The following CHSY3 variants were observed in gnomAD, a reference collection of about 807,000 sequenced individuals.
The protein encoded by CHSY3 is chondroitin sulfate synthase 3, also known as N-acetylgalactosaminyl-proteoglycan 3-beta-glucuronosyltransferase 3.
In CHSY3, 35 loss-of-function variants were observed where a neutral mutation model predicts 67.2. That is an observed-to-expected ratio of 0.52 (90% confidence interval 0.40 to 0.69). The LOEUF is 0.69. Among genes scored for constraint, CHSY3 ranks in the 30% least tolerant of loss-of-function variants. The probability of loss-of-function intolerance (pLI) is 0.00; values close to 1 mark genes in which losing one functional copy is unlikely to be tolerated. For synonymous variants in CHSY3, 474 were observed against 434.7 expected, an observed-to-expected ratio of 1.09 and a Z score of -1.12; for missense variants, 1,069 against 1,138.5, an observed-to-expected ratio of 0.94 and a Z score of 0.88.
chr5:130,040,118 G>A (rs77410652), intron 2 of CHSY3, among the ~76,000 whole-genome samples: 6 of 152,100 alleles, frequency 3.9e-5, no homozygotes, highest in Admixed American at 2.6e-4. Context: ...CTATTGCTAA[G>A]CATCCAGGTA....
chr5:130,087,419 G>C (rs1766685894), intron 2 of CHSY3, among the ~76,000 whole-genome samples: 3 of 152,246 alleles, frequency 2.0e-5, no homozygotes, highest in South Asian at 2.1e-4. Context: ...AAAAGAGGAA[G>C]TCAAATTGTC....
chr5:130,003,011 C>T (rs1405893771), intron 2 of CHSY3, among the ~76,000 whole-genome samples: 1 of 152,108 alleles, frequency 6.6e-6, no homozygotes, highest in East Asian at 1.9e-4. Flanking sequence ...GGTTGCTTTG[C>T]ACATGAATGT....
chr5:129,906,628 A>G (rs1760313360), intron 1 of CHSY3, among the ~76,000 whole-genome samples: 2 of 152,200 alleles, frequency 1.3e-5, no homozygotes, highest in Admixed American at 6.5e-5. Flanking sequence ...TCTTTAGGTC[A>G]GAGAAGTGAA....
intron 2 of CHSY3, among the ~76,000 whole-genome samples, chr5:130,071,099 T>C (rs951731731): frequency 6.6e-6 from 1 of 152,004 alleles, no homozygotes; most frequent in African/African-American, 2.4e-5. Context: ...TTTAGCAGTG[T>C]GGTATCCAAT....
At chr5:129,960,397 C>T (rs1762296946) in intron 2 of CHSY3, among the ~76,000 whole-genome samples, 1 of 152,016 alleles carries the variant, frequency 6.6e-6, no homozygotes. Context: ...GATTTTGTCA[C>T]TGGGTATACT....
chr5:129,943,765 A>T (rs892699528), intron 2 of CHSY3, among the ~76,000 whole-genome samples: 1 of 152,248 alleles, frequency 6.6e-6, no homozygotes, highest in Non-Finnish European at 1.5e-5. Flanking sequence ...TATCATCCAC[A>T]TATAGATAGT....
intron 2 of CHSY3, among the ~76,000 whole-genome samples, chr5:129,995,568 G>A (rs916643398): frequency 3.3e-5 from 5 of 150,930 alleles, no homozygotes; most frequent in African/African-American, 1.2e-4. Flanking sequence ...GAGTGCAGTG[G>A]CTGTGTACTT....
chr5:130,068,661 T>C (rs189123580), intron 2 of CHSY3, among the ~76,000 whole-genome samples: 1 of 152,228 alleles, frequency 6.6e-6, no homozygotes, highest in East Asian at 1.9e-4. Context: ...CGTATAGCAA[T>C]TCCTTATGAA....
At chr5:129,948,506 G>A (rs1036322883) in intron 2 of CHSY3, among the ~76,000 whole-genome samples, 28 of 152,150 alleles carry the variant, frequency 1.8e-4, no homozygotes, top group Admixed American at 4.6e-4. Flanking sequence ...CTGTTACTGT[G>A]AATGCCATTG....
At chr5:130,055,729 A>C (rs1159323589) in intron 2 of CHSY3, among the ~76,000 whole-genome samples, 1 of 151,954 alleles carries the variant, frequency 6.6e-6, no homozygotes, top group Non-Finnish European at 1.5e-5. Flanking sequence ...TACCACTGCC[A>C]CCGGAAGCAC....
chr5:129,905,779 CT>C, intron 1 of CHSY3, 148 bp downstream of exon 1: 1 of 1,437,566 alleles, frequency 7.0e-7, no homozygotes, highest in South Asian at 1.4e-5. Flanking sequence ...CTCCCCACCC[CT>C]TGCATCCGCC....
At chr5:129,942,423 A>G (rs1310275028) in intron 2 of CHSY3, among the ~76,000 whole-genome samples, 1 of 152,194 alleles carries the variant, frequency 6.6e-6, no homozygotes, top group Non-Finnish European at 1.5e-5. Context: ...CTTACATAAA[A>G]TTAATTTTCT....
intron 2 of CHSY3, among the ~76,000 whole-genome samples, chr5:130,139,464 A>G (rs1014670226): frequency 6.6e-6 from 1 of 152,250 alleles, no homozygotes; most frequent in Admixed American, 6.5e-5. Flanking sequence ...ATAACTTTAC[A>G]TCTTTGTCAC....
At chr5:130,156,573 T>C (rs1358192517) in intron 2 of CHSY3, among the ~76,000 whole-genome samples, 1 of 152,182 alleles carries the variant, frequency 6.6e-6, no homozygotes, top group African/African-American at 2.4e-5. Flanking sequence ...AAGGATGGAT[T>C]TGTGGCACCA....
intron 2 of CHSY3, among the ~76,000 whole-genome samples, chr5:129,914,785 A>G (rs1281757163): frequency 6.6e-6 from 1 of 152,230 alleles, no homozygotes; most frequent in Non-Finnish European, 1.5e-5. Flanking sequence ...TCACTAACTG[A>G]TGTCTTATCA....
At chr5:130,031,492 T>C (rs755184525) in intron 2 of CHSY3, among the ~76,000 whole-genome samples, 7 of 152,086 alleles carry the variant, frequency 4.6e-5, no homozygotes, top group Non-Finnish European at 8.8e-5. Flanking sequence ...GATGGGTGGG[T>C]ATTTGTTTAC....
chr5:129,987,468 T>C (rs562691480), intron 2 of CHSY3, among the ~76,000 whole-genome samples: 6 of 152,334 alleles, frequency 3.9e-5, no homozygotes, highest in Non-Finnish European at 7.4e-5. Flanking sequence ...TGTTTCTTAA[T>C]TCGTGATATC....
At chr5:130,132,765 G>A (rs1768524428) in intron 2 of CHSY3, among the ~76,000 whole-genome samples, 1 of 152,048 alleles carries the variant, frequency 6.6e-6, no homozygotes, top group Admixed American at 6.6e-5. Context: ...CATAATTGGG[G>A]GACTCCTAGT....
intron 2 of CHSY3, among the ~76,000 whole-genome samples, chr5:130,174,891 G>C (rs1019062572): frequency 6.6e-6 from 1 of 152,110 alleles, no homozygotes; most frequent in African/African-American, 2.4e-5. Flanking sequence ...TCTGGCTCCA[G>C]AATCTAAGCA....
Sources: gnomAD v4.1 joint callset for allele counts (sites outside exome capture counted in the v4.1 genomes callset) on GRCh38, gnomAD v4.1.1 for gene constraint, MANE v1.5 for transcripts, NCBI Gene and HGNC (gene_info 2026-07-23, HGNC 2026-07-21) for gene names.